FCRL5: variants seen among roughly 807,000 people sequenced by gnomAD.
FCRL5 encodes Fc receptor like 5, also known as Fc receptor-like protein 5.
Under a neutral mutation model 92.1 loss-of-function variants are expected in FCRL5, and 79 were observed. The ratio of observed to expected loss-of-function variants is 0.86; its 90% CI spans 0.72 to 1.03. The LOEUF (loss-of-function observed/expected upper bound fraction) is 1.03. Among genes scored for constraint, FCRL5 ranks in the 50% least tolerant of loss-of-function variants. FCRL5 has a pLI of 0.00. For synonymous variants in FCRL5, 466 were observed against 469.3 expected (o/e 0.99, Z 0.09); for missense variants, 1,160 against 1,181.1 (o/e 0.98, Z 0.26).
chr1:157,544,200 GCAGCCCTGTCCCACTTTTC>G, intron 5 of FCRL5, 43 bp downstream of exon 5: 2 of 1,571,632 alleles, frequency 1.3e-6, no homozygotes, highest in African/African-American at 1.3e-5. Context: ...ACGCTGATAT[GCAGCCCTGTCCCACTTTTC>G]CAGCCCTCTC....
At position 157,543,114 on chromosome 1, in the gene FCRL5, T is replaced by C; in HGVS notation, c.868A>G (p.Thr290Ala). The change falls in exon 6 of 17, where the codon ACT becomes GCT. Residue 290 changes from threonine (T) to alanine (A), a missense_variant. Transcript: ENST00000361835. Reference protein sequence around the residue: ...VQIPASHPVLTLSPEKALNFE... With the variant: ...VQIPASHPVLALSPEKALNFE... The stretch of plus-strand genomic sequence containing the variant: ...TTCAGAGCCTTTTCAGGGCTGAGAG[T>C]GAGGACAGGATGAGATGCAGGGACT... 2 of 1,613,938 alleles carry C rather than the reference T, an allele frequency of 1.2e-6. No individual in the cohort carries two copies. Among genetic ancestry groups the C allele is most frequent in the Non-Finnish European group, 1.7e-6 (2 of 1,179,970 alleles).
intron 10 of FCRL5, 21 bp from the exon 11 acceptor site, chr1:157,521,313 A>C: frequency 6.3e-7 from 1 of 1,577,586 alleles, no homozygotes; most frequent in Non-Finnish European, 8.6e-7. Flanking sequence ...ACAAAAAGTC[A>C]ACAGCAGTTT....
chr1:157,542,159 C>T (rs1571105212), intron 6 of FCRL5: 1 of 152,296 alleles, frequency 6.6e-6, no homozygotes, highest in South Asian at 2.1e-4. Flanking sequence ...ACACTGTCTC[C>T]TTCAACATTG....
At position 157,515,833 on chromosome 1, in the gene FCRL5, G is replaced by A; in HGVS notation, c.2844+9C>T. On this transcript the variant is annotated intron_variant, in intron 16 of 16. Coordinates refer to ENST00000361835, the MANE Select transcript of FCRL5 (RefSeq NM_031281.3). ...GGGTGGGGGAGGGCATGCAGAAGGG[G>A]AGACTCACCTTGTTCCTGAGATGCC... 6.2e-7 allele frequency: 1 copy of A among 1,614,082 alleles called. No individual in the cohort carries two copies.
At position 157,521,138 on chromosome 1, in the gene FCRL5, G is replaced by T. The variant is rs770833408; in HGVS notation, c.2394C>A (p.Ser798=). The T allele has an allele frequency of 6.2e-7, 1 of 1,614,176 alleles. No homozygotes were observed. Among genetic ancestry groups the T allele is most frequent in the East Asian group, 2.2e-5 (1 of 44,872 alleles). Residue 798 remains serine, a synonymous_variant, in exon 11 of 17, where the codon TCC becomes TCA. Transcript: ENST00000361835. ...GGTTTAAGGACGCTCCTCCAGAGGG[G>T]GACGACCTATTTCCTAGGGTGACAT... The part of the protein sequence containing the change: ...HEDVTLGNRS[S]PSGGASLNLS...
In FCRL5 at chr1:157,524,545, C is replaced by A. The variant is rs376858048; in HGVS notation, c.1973G>T (p.Arg658Leu). ...GGGAGCCCTGAAGGTGAGGATGGGACGAGATACTGGAACTGAGGGAGGAAA... is the reference window on the plus strand; with the variant it reads ...GGGAGCCCTGAAGGTGAGGATGGGAAGAGATACTGGAACTGAGGGAGGAAA... ...ISLSVIVPVS[R>L]PILTFRAPRA... Residue 658 changes from arginine (R) to leucine (L), a missense_variant, in exon 10 of 17, where the codon CGT becomes CTT. Coordinates refer to ENST00000361835, the MANE Select transcript of FCRL5 (RefSeq NM_031281.3). 6.3e-7 allele frequency: 1 copy of A among 1,597,596 alleles called. No homozygotes were observed. The highest frequency in any genetic ancestry group is 1.4e-5 in the African/African-American group (1 of 73,590).
chr1:157,514,554 T>G lies in FCRL5; in HGVS notation c.*1121A>C, dbSNP rs911318516. ...GCCAGAGCCACACATTCCCTCTCCA[T>G]GGGCCTCTGCTGAGACCTATAGGGC... is the stretch of plus-strand genomic sequence containing the variant. On this transcript the variant is annotated 3_prime_UTR_variant, in exon 17 of 17. Coordinates refer to ENST00000361835, the MANE Select transcript of FCRL5 (RefSeq NM_031281.3). 10 of 152,422 alleles carry G rather than the reference T, an allele frequency of 6.6e-5. No homozygotes were observed. The highest frequency in any genetic ancestry group is 2.4e-4 in the African/African-American group (10 of 41,586). The allele number at this position is 152,422 out of a possible 1,614,324, so 9.4% of individuals were successfully genotyped here.
chr1:157,519,767 C>T lies in FCRL5; in HGVS notation c.2636G>A (p.Arg879Lys). 1 of 1,614,064 alleles carries T rather than the reference C, an allele frequency of 6.2e-7. No individual in the cohort carries two copies. The highest frequency in any genetic ancestry group is 8.5e-7 in the Non-Finnish European group (1 of 1,180,014). The change falls in exon 13 of 17, where the codon AGA becomes AAA. Residue 879 changes from arginine to lysine, a missense_variant. Coordinates refer to ENST00000361835, the MANE Select transcript of FCRL5 (RefSeq NM_031281.3). Reference protein sequence around the residue: ...LYCWLSRKAGRKPASDPARSP... With the variant: ...LYCWLSRKAGKKPASDPARSP... ...CCTGGCGGGGTCAGAGGCAGGCTTT[C>T]TCCCTGTAAAGGAAAGCAGAGGAGC...
At chr1:157,545,522 G>GTTTTTTTTTTTTTTTTTTT (rs754972248) in intron 3 of FCRL5, among the ~76,000 whole-genome samples, 1 of 84,940 alleles carries the variant, frequency 1.2e-5, no homozygotes, top group African/African-American at 5.0e-5. Context: ...TCTTTAATGA[G>GTTTTTTTTTTTTTTTTTTT]TTTTTTTTTT....
At chr1:157,515,926 C>G (rs1360517367) in intron 15 of FCRL5, 53 bp from the exon 16 acceptor site, 17 of 1,604,778 alleles carry the variant, frequency 1.1e-5, no homozygotes, top group African/African-American at 1.3e-5. Context: ...GGGCTCTTCC[C>G]TTGTGCCTGC....
intron 2 of FCRL5, among the ~76,000 whole-genome samples, chr1:157,547,726 T>C (rs1048614298): frequency 2.0e-5 from 3 of 152,180 alleles, no homozygotes; most frequent in African/African-American, 4.8e-5. Context: ...AAGGGACAAG[T>C]CACTCACTGA....
In FCRL5 at chr1:157,544,528, A is replaced by G; in HGVS notation, c.578T>C (p.Val193Ala). The G allele has an allele frequency of 6.2e-7, 1 of 1,614,042 alleles. No homozygotes were observed. The highest frequency in any genetic ancestry group is 8.5e-7 in the Non-Finnish European group (1 of 1,179,986). ...GGGCTGGAAGGAGCTGGCTCTCAGC[A>G]CTGGACGTGTAAATGGCTCTAGAGA... The part of the protein sequence containing the change: ...IQVQEPFTRP[V>A]LRASSFQPIS... The change falls in exon 5 of 17, where the codon GTG (valine) becomes GCG (alanine). Residue 193 changes from valine to alanine, a missense_variant. Val to Ala is a moderately conservative substitution (Grantham distance 64). Coordinates refer to ENST00000361835, the MANE Select transcript of FCRL5 (RefSeq NM_031281.3).
At chr1:157,529,943 T>C (rs1650615587) in intron 8 of FCRL5, among the ~76,000 whole-genome samples, 3 of 152,190 alleles carry the variant, frequency 2.0e-5, no homozygotes. Flanking sequence ...AAACACCACC[T>C]GGTCCCCAAA....
At chr1:157,518,279 A>C in intron 15 of FCRL5, 150 bp downstream of exon 15, 1 of 649,906 alleles carries the variant, frequency 1.5e-6, no homozygotes, top group Non-Finnish European at 2.7e-6. Context: ...GATTCACCTG[A>C]AGCAGCATAG....
chr1:157,518,768 G>A lies in FCRL5; in HGVS notation c.2675C>T (p.Ser892Leu), dbSNP rs374811537. ...ASDPARSPSDSDSQEPTYHNV... is the reference protein window; with the variant it reads ...ASDPARSPSDLDSQEPTYHNV... ...GTGATAGGTGGGCTCTTGGGAGTCC[G>A]AGTCTGAAGGGCTCCTGTGAGACAG... Residue 892 changes from serine (S) to leucine (L), a missense_variant, in exon 14 of 17, where the codon TCG becomes TTG. Physicochemically the swap from Ser to Leu is moderately radical, Grantham distance 145. Coordinates refer to ENST00000361835, the MANE Select transcript of FCRL5 (RefSeq NM_031281.3). The A allele has an allele frequency of 2.4e-4, 386 of 1,612,446 alleles. No individual in the cohort carries two copies. Among genetic ancestry groups the A allele is most frequent in the Non-Finnish European group, 3.1e-4 (364 of 1,179,406 alleles).
intron 10 of FCRL5, among the ~76,000 whole-genome samples, chr1:157,523,467 A>G (rs901895315): frequency 2.0e-5 from 3 of 152,188 alleles, no homozygotes; most frequent in Admixed American, 6.5e-5. Flanking sequence ...GTGCTTGGCC[A>G]ATGTCATACA....
rs776521444 is a variant in FCRL5 at position 157,539,316 on chromosome 1, A to C, written c.1172T>G (p.Ile391Ser). The change falls in exon 7 of 17, where the codon ATT (isoleucine) becomes AGT (serine). Residue 391 changes from isoleucine (I) to serine (S), a missense_variant. Coordinates refer to ENST00000361835, the MANE Select transcript of FCRL5 (RefSeq NM_031281.3). ...VLNLSSPEDL[I>S]FEGAKVTLHC... ...AAGTGTCACCTTGGCTCCCTCAAAA[A>C]TCAGGTCCTCAGGAGAGCTGAGGTT... 18 of 1,614,030 alleles carry C rather than the reference A, an allele frequency of 1.1e-5. 1 individual carries two copies. In the South Asian group the frequency reaches 2.0e-4, roughly 18 times the overall value.
At chr1:157,535,486 A>G (rs1650927960) in intron 7 of FCRL5, among the ~76,000 whole-genome samples, 1 of 152,180 alleles carries the variant, frequency 6.6e-6, no homozygotes, top group African/African-American at 2.4e-5. Flanking sequence ...CTGTGGACAG[A>G]CTTCTGGAAG....
intron 12 of FCRL5, 23 bp from the exon 13 acceptor site, chr1:157,519,793 A>G (rs750656097): frequency 6.2e-6 from 10 of 1,613,808 alleles, no homozygotes; most frequent in African/African-American, 1.3e-5. Context: ...GCAGAGGAGC[A>G]TTGGATTCAG....
Sources: allele counts gnomAD v4.1 joint callset (sites outside exome capture counted in the v4.1 genomes callset), GRCh38; gene constraint gnomAD v4.1.1; transcripts MANE v1.5; gene names NCBI Gene and HGNC (gene_info 2026-07-23, HGNC 2026-07-21).